RNF215: variants seen among roughly 807,000 people sequenced by gnomAD.
The protein encoded by RNF215 is ring finger protein 215.
Under a neutral mutation model 44.8 loss-of-function variants are expected in RNF215, and 41 were observed. That is an observed-to-expected ratio of 0.92 (90% CI 0.71 to 1.19). The LOEUF is 1.19. Among genes scored for constraint, RNF215 ranks in the 50% most tolerant of loss-of-function variants. RNF215 has a pLI of 0.00. For missense variants in RNF215, 452 were observed against 496.2 expected (o/e 0.91, Z 0.85); for synonymous variants, 218 against 230.1 (o/e 0.95, Z 0.48).
intron 4 of RNF215, 27 bp from the exon 5 acceptor site, chr22:30,384,522 A>G: frequency 1.9e-6 from 3 of 1,607,118 alleles, no homozygotes; most frequent in Non-Finnish European, 2.6e-6. Context: ...CCGGGGCCAG[A>G]TGGAAGGACT....
intron 5 of RNF215, among the ~76,000 whole-genome samples, chr22:30,381,200 C>T (rs1343001128): frequency 6.6e-6 from 1 of 152,196 alleles, no homozygotes; most frequent in East Asian, 1.9e-4. Context: ...GCCCTCCTCA[C>T]ACCCGCTCTA....
chr22:30,386,531 A>T, intron 2 of RNF215, 85 bp downstream of exon 2: 1 of 1,497,178 alleles, frequency 6.7e-7, no homozygotes, highest in Admixed American at 2.0e-5. Flanking sequence ...CAAGCTCTTA[A>T]GGGCCCATCT....
At chr22:30,379,884 C>T in intron 7 of RNF215, 71 bp from the exon 8 acceptor site, 2 of 1,515,814 alleles carry the variant, frequency 1.3e-6, no homozygotes, top group Non-Finnish European at 1.8e-6. Flanking sequence ...TGGTCCCATG[C>T]CCCTCGCCTC....
rs1205275298 is a variant in RNF215, at chr22:30,387,382, C to T, written c.-69G>A. The T allele has an allele frequency of 1.0e-6, 1 of 985,066 alleles. No homozygotes were observed. The highest frequency in any genetic ancestry group is 1.2e-6 in the Non-Finnish European group (1 of 824,876). The allele number at this position is 985,066 out of a possible 1,614,324, so 61.0% of individuals were successfully genotyped here. A position where few individuals can be genotyped will look rare whatever the true frequency, so the allele number is the denominator to read the frequency against. ...CGGGCGCGGGGGGGATCGGAGGGAG[C>T]GAGGCCGCTGCCGGACGGGGCGGGG... On this transcript the variant is annotated 5_prime_UTR_variant, in exon 1 of 9. Coordinates refer to ENST00000382363, the MANE Select transcript of RNF215 (RefSeq NM_001017981.2).
Position 30,379,962 on chromosome 22 carries a change from T to C in RNF215, c.1008+100A>G, listed in dbSNP as rs1933501257. On this transcript the variant is annotated intron_variant, in intron 7 of 8. Coordinates refer to ENST00000382363, the MANE Select transcript of RNF215 (RefSeq NM_001017981.2). Reference sequence around the variant, plus strand: ...AATTCTGCTCTGTGGCCCTGGGGGCTGAAGGAGAAGGGCCTGGTGGTGGTG... The same window carrying C: ...AATTCTGCTCTGTGGCCCTGGGGGCCGAAGGAGAAGGGCCTGGTGGTGGTG... The C allele has an allele frequency of 6.4e-5, 101 of 1,571,252 alleles. 2 individuals are homozygous for C. In the South Asian group the frequency reaches 1.1e-3, roughly 17 times the overall value.
At chr22:30,381,325 T>A (rs1327678496) in intron 5 of RNF215, among the ~76,000 whole-genome samples, 2 of 152,148 alleles carry the variant, frequency 1.3e-5, no homozygotes, top group East Asian at 3.9e-4. Flanking sequence ...CTTTGTGGAA[T>A]GAGTGAATTT....
At chr22:30,385,876 G>A (rs760396276) in intron 4 of RNF215, 28 bp downstream of exon 4, 2 of 1,606,084 alleles carry the variant, frequency 1.2e-6, no homozygotes, top group African/African-American at 2.7e-5. Flanking sequence ...CCCAGGGTCA[G>A]TCCTTTGAAG....
Position 30,379,499 on chromosome 22 carries a change from CTA to C in RNF215, c.*99_*100del, listed in dbSNP as rs1933489120. On this transcript the variant is annotated 3_prime_UTR_variant, in exon 9 of 9. Coordinates refer to ENST00000382363, the MANE Select transcript of RNF215 (RefSeq NM_001017981.2). ...CCACCCACTGGGCTTGCTGTCCTGT[CTA>C]TCCTGCTGTCCCATCCTGTCCTGTC... The C allele has an allele frequency of 7.0e-7, 1 of 1,432,304 alleles. No individual in the cohort carries two copies. Among genetic ancestry groups the C allele is most frequent in the African/African-American group, 1.4e-5 (1 of 70,896 alleles). 88.7% of individuals were successfully genotyped at this position (1,432,304 alleles called of 1,614,324 possible). A position where few individuals can be genotyped will look rare whatever the true frequency, so the allele number is the denominator to read the frequency against.
At chr22:30,386,230 G>T in intron 2 of RNF215, 89 bp from the exon 3 acceptor site, 1 of 1,277,632 alleles carries the variant, frequency 7.8e-7, no homozygotes, top group Non-Finnish European at 1.1e-6. Context: ...CTTAGCTCCT[G>T]GCCCTGCAGT....
Position 30,379,820 on chromosome 22 carries a change from G to A in RNF215, c.1009-7C>T, listed in dbSNP as rs1471401148. 6.4e-7 allele frequency: 1 copy of A among 1,573,464 alleles called. No individual in the cohort carries two copies. Among genetic ancestry groups the A allele is most frequent in the Non-Finnish European group, 8.6e-7 (1 of 1,161,352 alleles). ...AGGGCAGCACCCGGAGCCACTACAG[G>A]GGTGGGGGAGGAAGGGCTCAGGTCA... On this transcript the variant is annotated splice_polypyrimidine_tract_variant and splice_region_variant and intron_variant, in intron 7 of 8. Coordinates refer to ENST00000382363, the MANE Select transcript of RNF215 (RefSeq NM_001017981.2).
intron 5 of RNF215, 120 bp downstream of exon 5, chr22:30,384,219 T>G: frequency 9.1e-7 from 1 of 1,099,830 alleles, no homozygotes; most frequent in Non-Finnish European, 1.3e-6. Flanking sequence ...TCCTGTGGGG[T>G]GGGAAAGGCC....
intron 5 of RNF215, 65 bp downstream of exon 5, chr22:30,384,274 A>G: frequency 4.0e-6 from 6 of 1,512,374 alleles, no homozygotes; most frequent in Non-Finnish European, 1.8e-6. Flanking sequence ...TTTTCAATAC[A>G]AAGCCATGTA....
rs1190043331 is a variant in RNF215 at position 30,379,317 on chromosome 22, T to C, written c.*283A>G. Reference sequence around the variant, plus strand: ...TCTCTTTCCTTATTGACCTGGGAGCTGCCTGTAAGGAGGGCAGACTCACGT... The same window carrying C: ...TCTCTTTCCTTATTGACCTGGGAGCCGCCTGTAAGGAGGGCAGACTCACGT... On this transcript the variant is annotated 3_prime_UTR_variant, in exon 9 of 9. Coordinates refer to ENST00000382363, the MANE Select transcript of RNF215 (RefSeq NM_001017981.2). The C allele has an allele frequency of 1.4e-5, 7 of 509,576 alleles. No individual in the cohort carries two copies. In the East Asian group the frequency reaches 2.4e-4, roughly 17 times the overall value. The allele number at this position is 509,576 out of a possible 1,614,324, so 31.6% of individuals were successfully genotyped here.
At chr22:30,383,264 CCAGCCTG>C (rs1203651623) in intron 5 of RNF215, among the ~76,000 whole-genome samples, 6 of 152,096 alleles carry the variant, frequency 3.9e-5, no homozygotes, top group Non-Finnish European at 8.8e-5. Context: ...CACCTTGACC[CCAGCCTG>C]CAGCCTGGCC....
At position 30,387,346 on chromosome 22, in the gene RNF215, G is replaced by GC; in HGVS notation, c.-34dup. On this transcript the variant is annotated 5_prime_UTR_variant, in exon 1 of 9. Transcript: ENST00000382363. ...CCCGGCGAGCTGGCCCAACAGTGGG[G>GC]CCAGGGGTCCCGGGCGCGGGGGGGA... The GC allele has an allele frequency of 9.5e-7, 1 of 1,048,344 alleles. No homozygotes were observed. The highest frequency in any genetic ancestry group is 1.1e-6 in the Non-Finnish European group (1 of 871,636). The allele number at this position is 1,048,344 out of a possible 1,614,324, so 64.9% of individuals were successfully genotyped here. A position where few individuals can be genotyped will look rare whatever the true frequency, so the allele number is the denominator to read the frequency against.
At chr22:30,379,665 G>A in intron 8 of RNF215, 43 bp from the exon 9 acceptor site, 10 of 1,551,790 alleles carry the variant, frequency 6.4e-6, no homozygotes, top group Non-Finnish European at 7.8e-6. Context: ...GGCATCAGGT[G>A]AGGAGCAGGC....
chr22:30,382,853 G>A (rs1933546851), intron 5 of RNF215, among the ~76,000 whole-genome samples: 1 of 152,134 alleles, frequency 6.6e-6, no homozygotes, highest in South Asian at 2.1e-4. Context: ...TGTAATCCCA[G>A]CACTTTGGGA....
intron 5 of RNF215, among the ~76,000 whole-genome samples, chr22:30,383,729 A>G (rs1933558681): frequency 6.6e-6 from 1 of 152,222 alleles, no homozygotes; most frequent in African/African-American, 2.4e-5. Flanking sequence ...GACGCGCCTC[A>G]TCACATGCAG....
chr22:30,385,464 G>A (rs1438739793), intron 4 of RNF215, among the ~76,000 whole-genome samples: 1 of 148,284 alleles, frequency 6.7e-6, no homozygotes, highest in Non-Finnish European at 1.5e-5. Flanking sequence ...GCCGGGCCCT[G>A]CCAGGCCCAG....
Sources: gnomAD v4.1 joint callset for allele counts (sites outside exome capture counted in the v4.1 genomes callset) on GRCh38, gnomAD v4.1.1 for gene constraint, MANE v1.5 for transcripts, NCBI Gene and HGNC (gene_info 2026-07-23, HGNC 2026-07-21) for gene names.